Variants in CYP39A1 observed in about 807,000 individuals in gnomAD.
The protein encoded by CYP39A1 is cytochrome P450 family 39 subfamily A member 1, also known as 24-hydroxycholesterol 7-alpha-hydroxylase.
A neutral mutation model predicts 58.1 loss-of-function variants in CYP39A1; 49 were observed. The observed-to-expected ratio is 0.84, with a 90% CI of 0.67 to 1.07. CYP39A1 has a LOEUF of 1.07. Among genes scored for constraint, CYP39A1 ranks in the 50% least tolerant of loss-of-function variants. The pLI, the probability that CYP39A1 is intolerant of heterozygous loss-of-function variation, is 0.00. For missense variants in CYP39A1, 531 were observed against 539.4 expected, an observed-to-expected ratio of 0.98 and a Z score of 0.16; for synonymous variants, 209 against 187.6, an observed-to-expected ratio of 1.11 and a Z score of -0.93.
At chr6:46,608,264 C>A (rs1397619766) in intron 7 of CYP39A1, among the ~76,000 whole-genome samples, 1 of 152,160 alleles carries the variant, frequency 6.6e-6, no homozygotes, top group Non-Finnish European at 1.5e-5. Context: ...ACAACAATTC[C>A]TGTGAGAAAA....
chr6:46,606,863 A>G (rs575976965), intron 7 of CYP39A1, among the ~76,000 whole-genome samples: 26 of 152,318 alleles, frequency 1.7e-4, no homozygotes, highest in South Asian at 4.1e-4. Flanking sequence ...GATTCACTCA[A>G]TGTAAATTTG....
At chr6:46,554,328 T>A (rs1452420380) in intron 10 of CYP39A1, among the ~76,000 whole-genome samples, 1 of 152,230 alleles carries the variant, frequency 6.6e-6, no homozygotes, top group Non-Finnish European at 1.5e-5. Flanking sequence ...ATTTCCATGA[T>A]CACAGAAGGC....
chr6:46,560,333 G>A (rs1295122471), intron 10 of CYP39A1, among the ~76,000 whole-genome samples: 1 of 152,164 alleles, frequency 6.6e-6, no homozygotes, highest in African/African-American at 2.4e-5. Context: ...AGAAAGTGGT[G>A]ACTTAGAACA....
At chr6:46,600,434 C>T (rs559493604) in intron 7 of CYP39A1, among the ~76,000 whole-genome samples, 3 of 152,012 alleles carry the variant, frequency 2.0e-5, no homozygotes, top group East Asian at 1.9e-4. Context: ...AAGCCCCTTT[C>T]GATTACACCT....
rs1161134875 is a variant in CYP39A1 at position 46,639,521 on chromosome 6, C to T, written c.461G>A (p.Gly154Glu). 1.2e-6 allele frequency: 2 copies of T among 1,614,038 alleles called. No individual in the cohort carries two copies. Among genetic ancestry groups the T allele is most frequent in the South Asian group, 2.2e-5 (2 of 91,076 alleles). Residue 154 changes from glycine to glutamate, a missense_variant, in exon 3 of 12, where the codon GGG becomes GAG. Gly to Glu is a moderately conservative substitution (Grantham distance 98). Transcript: ENST00000275016. ...HEQLENLGTH[G>E]TMDLNNLVRH... ...TACTAAGTTGTTCAGGTCCATTGTC[C>T]CATGAGTGCCTAAATTCTCCAGTTG...
At chr6:46,560,879 G>T (rs1365547912) in intron 10 of CYP39A1, among the ~76,000 whole-genome samples, 1 of 152,104 alleles carries the variant, frequency 6.6e-6, no homozygotes, top group East Asian at 1.9e-4. Flanking sequence ...AGGCCAAAAG[G>T]TAGAATAATA....
intron 1 of CYP39A1, among the ~76,000 whole-genome samples, chr6:46,648,952 T>C (rs952622278): frequency 2.6e-5 from 4 of 152,204 alleles, no homozygotes; most frequent in Non-Finnish European, 4.4e-5. Flanking sequence ...GCTTAAAAAA[T>C]GGTAAATTCT....
intron 7 of CYP39A1, among the ~76,000 whole-genome samples, chr6:46,609,382 A>C (rs1774064483): frequency 6.7e-6 from 1 of 150,112 alleles, no homozygotes; most frequent in Admixed American, 6.7e-5. Flanking sequence ...GCGCCACTGC[A>C]CTCCAGCCTG....
intron 7 of CYP39A1, among the ~76,000 whole-genome samples, chr6:46,606,712 T>C (rs1274129175): frequency 1.3e-5 from 2 of 152,232 alleles, no homozygotes; most frequent in African/African-American, 4.8e-5. Flanking sequence ...ATTCTTGCGT[T>C]CAGAAATAGC....
intron 6 of CYP39A1, among the ~76,000 whole-genome samples, chr6:46,625,799 T>C (rs1459823280): frequency 6.6e-6 from 1 of 152,078 alleles, no homozygotes; most frequent in Non-Finnish European, 1.5e-5. Context: ...TTGTTATTTT[T>C]ACTAATGAGT....
chr6:46,645,165 TC>T (rs1209512621), intron 1 of CYP39A1, among the ~76,000 whole-genome samples: 3 of 152,202 alleles, frequency 2.0e-5, no homozygotes, highest in African/African-American at 7.2e-5. Context: ...TATCAGTTTT[TC>T]CTTTTATGAA....
rs139570084 is a variant in CYP39A1, at chr6:46,631,888, C to A, written c.733-818G>T. ...CCAGATTTGTCTTTGCCAGTGACGGCTCTCCATCATGGGAAAAAATTCAGA... is the reference window on the plus strand; with the variant it reads ...CCAGATTTGTCTTTGCCAGTGACGGATCTCCATCATGGGAAAAAATTCAGA... On this transcript the variant is annotated intron_variant, in intron 5 of 11. Transcript: ENST00000275016. Among the ~76,000 whole-genome samples, 815 of 152,284 alleles carry A rather than the reference C, an allele frequency of 5.4e-3. 5 individuals carry two copies. The highest frequency in any genetic ancestry group is 0.014 in the Middle Eastern group (4 of 294).
intron 1 of CYP39A1, among the ~76,000 whole-genome samples, chr6:46,648,566 A>G (rs1168223368): frequency 1.3e-5 from 2 of 151,480 alleles, no homozygotes; most frequent in Non-Finnish European, 2.9e-5. Flanking sequence ...TATACCTAAT[A>G]TAAATGATGA....
intron 4 of CYP39A1, among the ~76,000 whole-genome samples, chr6:46,637,507 G>A (rs1776063466): frequency 6.6e-6 from 1 of 152,192 alleles, no homozygotes; most frequent in Admixed American, 6.5e-5. Flanking sequence ...GACTGCTCAG[G>A]TTGACGATTT....
At chr6:46,570,162 C>T (rs1163664968) in intron 10 of CYP39A1, among the ~76,000 whole-genome samples, 2 of 152,102 alleles carry the variant, frequency 1.3e-5, no homozygotes, top group African/African-American at 2.4e-5. Context: ...ATAGTAATCT[C>T]TTATGATCCT....
intron 7 of CYP39A1, among the ~76,000 whole-genome samples, chr6:46,610,690 T>A (rs1278996992): frequency 2.6e-5 from 4 of 152,244 alleles, no homozygotes; most frequent in Admixed American, 2.6e-4. Flanking sequence ...TTTTTCTATA[T>A]AGTTTTAAAT....
chr6:46,555,828 G>A (rs1770641691), intron 10 of CYP39A1, among the ~76,000 whole-genome samples: 1 of 152,010 alleles, frequency 6.6e-6, no homozygotes, highest in Non-Finnish European at 1.5e-5. Context: ...ATGAAATCTG[G>A]AGCACTCCAG....
At chr6:46,638,331 GCAACAACAACAATAACAA>G (rs1374704817) in intron 3 of CYP39A1, among the ~76,000 whole-genome samples, 59 of 152,038 alleles carry the variant, frequency 3.9e-4, no homozygotes, top group Admixed American at 2.3e-3. Flanking sequence ...CCTTTAGACA[GCAACAACAACAATAACAA>G]CAACAACAAC....
intron 10 of CYP39A1, among the ~76,000 whole-genome samples, chr6:46,563,516 C>T (rs1771092205): frequency 6.6e-6 from 1 of 152,082 alleles, no homozygotes; most frequent in African/African-American, 2.4e-5. Context: ...AGGAATGCTA[C>T]ACAGGCATTG....
Sources: allele counts gnomAD v4.1 joint callset (sites outside exome capture counted in the v4.1 genomes callset), GRCh38; gene constraint gnomAD v4.1.1; transcripts MANE v1.5; gene names NCBI Gene and HGNC (gene_info 2026-07-23, HGNC 2026-07-21).